The following FSTL4 variants were observed in gnomAD, a reference collection of about 807,000 sequenced individuals.
The protein encoded by FSTL4 is follistatin-related protein 4.
A neutral mutation model predicts 78.2 loss-of-function variants in FSTL4; 28 were observed. The observed-to-expected ratio is 0.36, with a 90% CI of 0.27 to 0.49. The LOEUF is 0.49. FSTL4 is among the 20% of genes least tolerant of loss of function. The pLI is 0.98. For missense variants in FSTL4, 922 were observed against 1,084.9 expected (o/e 0.85, Z 2.11); for synonymous variants, 422 against 440.5 (o/e 0.96, Z 0.53).
chr5:133,728,167 A>G, the FSTL4 span, among the ~76,000 whole-genome samples: 1 of 152,254 alleles, frequency 6.6e-6, no homozygotes, highest in South Asian at 2.1e-4. Context: ...GCCTGGGAGT[A>G]GCTATTTGAG....
At chr5:133,604,841 A>AT (rs1760943529) in intron 1 of FSTL4, among the ~76,000 whole-genome samples, 2 of 151,000 alleles carry the variant, frequency 1.3e-5, no homozygotes, top group South Asian at 4.2e-4. Context: ...AAGACCAACC[A>AT]TTTTTTGTGG....
intron 4 of FSTL4, among the ~76,000 whole-genome samples, chr5:133,383,286 A>G (rs1755619621): frequency 6.6e-6 from 1 of 152,152 alleles, no homozygotes; most frequent in Non-Finnish European, 1.5e-5. Flanking sequence ...TCTCTCAGGA[A>G]GGAGGTTCGC....
chr5:133,701,115 G>A, the FSTL4 span, among the ~76,000 whole-genome samples: 1 of 152,106 alleles, frequency 6.6e-6, no homozygotes, highest in Non-Finnish European at 1.5e-5. Context: ...AGAAAAACCA[G>A]GTGAGAGCCA....
chr5:133,760,025 C>T, the FSTL4 span, among the ~76,000 whole-genome samples: 4 of 152,336 alleles, frequency 2.6e-5, no homozygotes, highest in African/African-American at 4.8e-5. Context: ...CATCCCTACC[C>T]GGCTTCCCTG....
chr5:133,692,422 CCT>C, the FSTL4 span, among the ~76,000 whole-genome samples: 6 of 152,142 alleles, frequency 3.9e-5, no homozygotes, highest in Non-Finnish European at 8.8e-5. Context: ...CACGAAGATC[CCT>C]CTGGCTGTGA....
At chr5:133,265,489 C>T (rs1403203856) in intron 6 of FSTL4, among the ~76,000 whole-genome samples, 2 of 152,220 alleles carry the variant, frequency 1.3e-5, no homozygotes, top group African/African-American at 4.8e-5. Flanking sequence ...GTGGTGACTG[C>T]CCTGCACCCA....
chr5:133,477,521 A>G (rs2112854725), intron 3 of FSTL4, among the ~76,000 whole-genome samples: 1 of 152,374 alleles, frequency 6.6e-6, no homozygotes, highest in East Asian at 1.9e-4. Flanking sequence ...TTTACAAATA[A>G]GGAAACTGAG....
intron 3 of FSTL4, among the ~76,000 whole-genome samples, chr5:133,470,262 T>C (rs1183517250): frequency 6.6e-6 from 1 of 151,922 alleles, no homozygotes; most frequent in African/African-American, 2.4e-5. Flanking sequence ...AACAAACAGA[T>C]GAACAAACAA....
At chr5:133,216,357 C>T (rs1268233078) in intron 13 of FSTL4, among the ~76,000 whole-genome samples, 2 of 150,490 alleles carry the variant, frequency 1.3e-5, no homozygotes, top group Non-Finnish European at 3.0e-5. Flanking sequence ...GTGGTGTGAT[C>T]TCGGCTCACT....
chr5:133,735,413 G>A, the FSTL4 span, among the ~76,000 whole-genome samples: 28 of 152,216 alleles, frequency 1.8e-4, no homozygotes, highest in African/African-American at 4.8e-4. Context: ...GCAGTGAGCC[G>A]AGATCGTGCC....
At chr5:133,307,507 G>A (rs558818860) in intron 6 of FSTL4, among the ~76,000 whole-genome samples, 1 of 152,158 alleles carries the variant, frequency 6.6e-6, no homozygotes, top group Non-Finnish European at 1.5e-5. Flanking sequence ...CTGTGAAACT[G>A]GACATAGTGT....
intron 3 of FSTL4, among the ~76,000 whole-genome samples, chr5:133,423,124 T>A (rs1161002323): frequency 6.6e-6 from 1 of 152,198 alleles, no homozygotes; most frequent in Non-Finnish European, 1.5e-5. Context: ...GATCCCCTGG[T>A]ATTTCTGTCA....
the FSTL4 span, among the ~76,000 whole-genome samples, chr5:133,646,057 C>A: frequency 4.6e-5 from 7 of 152,188 alleles, no homozygotes; most frequent in African/African-American, 1.7e-4. Flanking sequence ...TGGTCCTACC[C>A]TCCTAGAGCA....
At chr5:133,375,101 G>A (rs1034196303) in intron 4 of FSTL4, among the ~76,000 whole-genome samples, 2 of 151,478 alleles carry the variant, frequency 1.3e-5, no homozygotes, top group African/African-American at 4.8e-5. Flanking sequence ...TGCATAACCT[G>A]GTTGGCAGTC....
intron 3 of FSTL4, among the ~76,000 whole-genome samples, chr5:133,472,130 TA>T (rs1259227991): frequency 1.3e-5 from 2 of 152,214 alleles, no homozygotes; most frequent in Non-Finnish European, 2.9e-5. Flanking sequence ...GCTGTGAGTA[TA>T]CAATAAACTG....
At chr5:133,334,998 G>T (rs1413792873) in intron 4 of FSTL4, among the ~76,000 whole-genome samples, 1 of 152,190 alleles carries the variant, frequency 6.6e-6, no homozygotes, top group Non-Finnish European at 1.5e-5. Context: ...AGCTCCCAGA[G>T]GTATCTAAAG....
At chr5:133,413,738 T>C (rs891145382) in intron 3 of FSTL4, among the ~76,000 whole-genome samples, 12 of 152,138 alleles carry the variant, frequency 7.9e-5, no homozygotes, top group African/African-American at 2.7e-4. Context: ...CTTTGGTTTT[T>C]CTATGTTGCA....
chr5:133,437,488 T>TG (rs1757059238), intron 3 of FSTL4, among the ~76,000 whole-genome samples: 1 of 139,828 alleles, frequency 7.2e-6, no homozygotes, highest in Non-Finnish European at 1.5e-5. Flanking sequence ...AATAGGTGTT[T>TG]TTTTTTTTTT....
At chr5:133,653,978 T>G in the FSTL4 span, among the ~76,000 whole-genome samples, 33,125 of 152,146 alleles carry the variant, frequency 0.22, 3,809 homozygotes, top group Admixed American at 0.29. Context: ...CATGCAAGCT[T>G]TCCTCATCGG....
Sources: allele counts gnomAD v4.1 joint callset (sites outside exome capture counted in the v4.1 genomes callset), GRCh38; gene constraint gnomAD v4.1.1; transcripts MANE v1.5; gene names NCBI Gene and HGNC (gene_info 2026-07-23, HGNC 2026-07-21).